The following CSNK2A2IP variants were observed in gnomAD, a reference collection of about 807,000 sequenced individuals.
CSNK2A2IP encodes the protein casein kinase II subunit alpha'-interacting protein.
chr3:88,428,887 A>G, the CSNK2A2IP span, among the ~76,000 whole-genome samples: 1 of 151,922 alleles, frequency 6.6e-6, no homozygotes, highest in Non-Finnish European at 1.5e-5. Flanking sequence ...AATGATATCT[A>G]CAGATATTTA....
the CSNK2A2IP span, among the ~76,000 whole-genome samples, chr3:88,371,883 G>T: frequency 6.6e-6 from 1 of 151,608 alleles, no homozygotes; most frequent in Admixed American, 6.6e-5. Flanking sequence ...ATAGAGGCCA[G>T]GAGGCATTAG....
the CSNK2A2IP span, among the ~76,000 whole-genome samples, chr3:88,399,223 C>T: frequency 4.3e-4 from 66 of 152,024 alleles, no homozygotes; most frequent in Admixed American, 3.5e-3. Context: ...AATTCTATTA[C>T]GAAAGATTTT....
the CSNK2A2IP span, among the ~76,000 whole-genome samples, chr3:88,341,855 T>G: frequency 6.6e-6 from 1 of 152,012 alleles, no homozygotes; most frequent in African/African-American, 2.4e-5. Context: ...CATTTTGGTA[T>G]GTTTGAAAAC....
At chr3:88,402,950 G>C in the CSNK2A2IP span, among the ~76,000 whole-genome samples, 2 of 151,958 alleles carry the variant, frequency 1.3e-5, no homozygotes, top group Non-Finnish European at 2.9e-5. Context: ...TTGTGAGATT[G>C]CTTCTGCATA....
At chr3:88,356,671 T>C in the CSNK2A2IP span, among the ~76,000 whole-genome samples, 72 of 152,288 alleles carry the variant, frequency 4.7e-4, no homozygotes, top group Middle Eastern at 6.8e-3. Context: ...GGAGCCTCCA[T>C]ACTGTTTTCT....
At chr3:88,443,703 T>C in the CSNK2A2IP span, among the ~76,000 whole-genome samples, 5 of 152,094 alleles carry the variant, frequency 3.3e-5, no homozygotes, top group African/African-American at 4.8e-5. Context: ...CAGGGCCAGC[T>C]CATTGCTCTT....
chr3:88,388,836 A>G, the CSNK2A2IP span, among the ~76,000 whole-genome samples: 42 of 152,208 alleles, frequency 2.8e-4, 1 homozygote, highest in South Asian at 8.3e-3. Context: ...TGGAAGTTAT[A>G]GCTACTGTCT....
the CSNK2A2IP span, among the ~76,000 whole-genome samples, chr3:88,379,442 T>G: frequency 3.9e-5 from 6 of 152,128 alleles, no homozygotes; most frequent in African/African-American, 9.7e-5. Context: ...GGAGGTCACT[T>G]TCTGGAGTCC....
At chr3:88,430,175 A>G in the CSNK2A2IP span, among the ~76,000 whole-genome samples, 23 of 152,242 alleles carry the variant, frequency 1.5e-4, 1 homozygote, top group South Asian at 4.6e-3. Flanking sequence ...TCAACCAAGG[A>G]TGGAGGGACT....
chr3:88,433,178 G>T, the CSNK2A2IP span, among the ~76,000 whole-genome samples: 1 of 151,872 alleles, frequency 6.6e-6, no homozygotes, highest in Non-Finnish European at 1.5e-5. Context: ...TAAATTTAGT[G>T]GTCACTTTTT....
the CSNK2A2IP span, among the ~76,000 whole-genome samples, chr3:88,462,561 C>T: frequency 1.8e-4 from 28 of 152,202 alleles, no homozygotes; most frequent in Admixed American, 9.2e-4. Flanking sequence ...TATAATTATA[C>T]AGTCTAGATA....
At chr3:88,411,900 T>C in the CSNK2A2IP span, among the ~76,000 whole-genome samples, 1 of 151,514 alleles carries the variant, frequency 6.6e-6, no homozygotes, top group African/African-American at 2.4e-5. Flanking sequence ...AATAAAAATG[T>C]CATTAAAATC....
At chr3:88,387,553 T>C in the CSNK2A2IP span, among the ~76,000 whole-genome samples, 1 of 152,182 alleles carries the variant, frequency 6.6e-6, no homozygotes, top group Non-Finnish European at 1.5e-5. Context: ...TTTTTTATGG[T>C]AGTGTGTTAC....
chr3:88,386,160 T>C, the CSNK2A2IP span, among the ~76,000 whole-genome samples: 1 of 152,172 alleles, frequency 6.6e-6, no homozygotes, highest in Non-Finnish European at 1.5e-5. Flanking sequence ...GTTTCACTCT[T>C]ATTGCCCAGG....
At chr3:88,407,707 G>T in the CSNK2A2IP span, among the ~76,000 whole-genome samples, 1 of 140,102 alleles carries the variant, frequency 7.1e-6, no homozygotes, top group Non-Finnish European at 1.6e-5. Flanking sequence ...AAAATAGTGT[G>T]CAATCTATTT....
chr3:88,342,505 T>C, the CSNK2A2IP span, among the ~76,000 whole-genome samples: 2 of 152,018 alleles, frequency 1.3e-5, no homozygotes, highest in African/African-American at 4.8e-5. Context: ...CATGTGGCTG[T>C]TGCTGGTGTC....
At chr3:88,433,170 A>T in the CSNK2A2IP span, among the ~76,000 whole-genome samples, 1 of 152,078 alleles carries the variant, frequency 6.6e-6, no homozygotes, top group Non-Finnish European at 1.5e-5. Context: ...TTCTTTTATA[A>T]ATTTAGTGGT....
the CSNK2A2IP span, among the ~76,000 whole-genome samples, chr3:88,455,555 T>A: frequency 2.6e-5 from 4 of 151,974 alleles, no homozygotes; most frequent in Admixed American, 1.3e-4. Context: ...AATTGGCTAT[T>A]TTTTTCTATT....
the CSNK2A2IP span, among the ~76,000 whole-genome samples, chr3:88,408,278 T>A: frequency 6.6e-6 from 1 of 150,988 alleles, no homozygotes; most frequent in Non-Finnish European, 1.5e-5. Context: ...GGTTTGTTTA[T>A]TTTTATTGTT....
Sources: allele counts gnomAD v4.1 joint callset (sites outside exome capture counted in the v4.1 genomes callset), GRCh38; gene constraint gnomAD v4.1.1; transcripts MANE v1.5; gene names NCBI Gene and HGNC (gene_info 2026-07-23, HGNC 2026-07-21).